The following NRF1 variants were observed in gnomAD, a reference collection of about 807,000 sequenced individuals.
The protein encoded by NRF1 is alpha palindromic-binding protein.
In NRF1, 5 loss-of-function variants were observed where a neutral mutation model predicts 58.5. The observed-to-expected ratio is 0.09, with a 90% CI of 0.04 to 0.18. The LOEUF (loss-of-function observed/expected upper bound fraction) is 0.18. Ranked by LOEUF, NRF1 falls within the 10% of genes least tolerant of loss-of-function variation. The pLI is 1.00. For synonymous variants in NRF1, 224 were observed against 246.7 expected (o/e 0.91, Z 0.86); for missense variants, 288 against 657.7 (o/e 0.44, Z 6.15).
intron 5 of NRF1, among the ~76,000 whole-genome samples, chr7:129,695,700 C>CAG (rs1802676900): frequency 6.7e-6 from 1 of 148,650 alleles, no homozygotes; most frequent in Non-Finnish European, 1.5e-5. Flanking sequence ...TCTGGGAACA[C>CAG]AGAATTGATC....
At chr7:129,677,814 A>G in intron 4 of NRF1, 56 bp downstream of exon 4, 11 of 1,602,276 alleles carry the variant, frequency 6.9e-6, no homozygotes, top group South Asian at 3.4e-5. Flanking sequence ...GGCTGCTTCC[A>G]TTCTTCTGAT....
rs574876934 is a variant in NRF1 at position 129,717,424 on chromosome 7, G to A, written c.1223+48G>A. On this transcript the variant is annotated intron_variant, in intron 9 of 10. Transcript: ENST00000393232. Reference sequence around the variant, plus strand: ...AAGTGAGGATCGCAAATCTGTCCCTGCAGATATGGGTGGAGGCCCCTTAAA... The same window carrying A: ...AAGTGAGGATCGCAAATCTGTCCCTACAGATATGGGTGGAGGCCCCTTAAA... 7 of 1,553,602 alleles carry A rather than the reference G, an allele frequency of 4.5e-6. No homozygotes were observed. In the East Asian group the frequency reaches 1.4e-4, roughly 30 times the overall value.
rs201671759 is a variant in NRF1 at position 129,671,416 on chromosome 7, G to A, written c.224-13G>A. 2.3e-5 allele frequency: 37 copies of A among 1,579,342 alleles called. No homozygotes were observed. The African/African-American group carries it at 3.0e-4, about 13-fold the overall frequency. Reference sequence around the variant, plus strand: ...GCAGCTGCCTAATCTCAGCACATACGTTATTATTTCAGGTCCTGTGGGAAT... The same window carrying A: ...GCAGCTGCCTAATCTCAGCACATACATTATTATTTCAGGTCCTGTGGGAAT... On this transcript the variant is annotated splice_polypyrimidine_tract_variant and intron_variant, in intron 2 of 10. Transcript: ENST00000393232.
chr7:129,719,484 A>G (rs938597800), intron 9 of NRF1, among the ~76,000 whole-genome samples: 2 of 147,588 alleles, frequency 1.4e-5, no homozygotes, highest in Non-Finnish European at 3.0e-5. Context: ...GTTGATTAGG[A>G]ATAGGAAACT....
intron 1 of NRF1, among the ~76,000 whole-genome samples, chr7:129,654,098 A>G (rs572107617): frequency 3.4e-4 from 52 of 152,324 alleles, no homozygotes; most frequent in African/African-American, 1.2e-3. Flanking sequence ...CAGCAGTGAA[A>G]TAGAGTTCCT....
At chr7:129,673,649 G>A (rs1045393804) in intron 3 of NRF1, among the ~76,000 whole-genome samples, 19 of 148,900 alleles carry the variant, frequency 1.3e-4, no homozygotes, top group South Asian at 4.2e-4. Context: ...CCCGGGAGGC[G>A]GAGCTTGCAG....
chr7:129,667,954 G>A (rs1359288188), intron 2 of NRF1, among the ~76,000 whole-genome samples: 1 of 151,702 alleles, frequency 6.6e-6, no homozygotes, highest in East Asian at 1.9e-4. Context: ...TTGTAGATAC[G>A]GAGTCTTGCT....
intron 10 of NRF1, among the ~76,000 whole-genome samples, chr7:129,753,809 G>A (rs1443338279): frequency 6.6e-6 from 1 of 151,938 alleles, no homozygotes; most frequent in South Asian, 2.1e-4. Flanking sequence ...AAGTGACCTA[G>A]GCTTTAAAAA....
At chr7:129,649,617 A>G (rs1211783082) in intron 1 of NRF1, among the ~76,000 whole-genome samples, 30 of 152,134 alleles carry the variant, frequency 2.0e-4, no homozygotes. Context: ...GCTCTGGGCC[A>G]AGACAATCTT....
At chr7:129,747,812 C>T (rs1294908762) in intron 10 of NRF1, among the ~76,000 whole-genome samples, 1 of 152,198 alleles carries the variant, frequency 6.6e-6, no homozygotes, top group Admixed American at 6.5e-5. Context: ...GAAAATTCGA[C>T]TTCATTCTGA....
intron 1 of NRF1, among the ~76,000 whole-genome samples, chr7:129,628,527 A>G (rs1389179209): frequency 6.6e-6 from 1 of 152,202 alleles, no homozygotes; most frequent in African/African-American, 2.4e-5. Context: ...AAAACAGAAC[A>G]CTTTAGTGAG....
At position 129,757,048 on chromosome 7, in the gene NRF1, C is replaced by T. The variant is rs1226767210; in HGVS notation, c.*1867C>T. 1.3e-5 allele frequency: 2 copies of T among 152,556 alleles called. No homozygotes were observed. The highest frequency in any genetic ancestry group is 2.9e-5 in the Non-Finnish European group (2 of 68,024). 9.5% of individuals were successfully genotyped at this position (152,556 alleles called of 1,614,324 possible). On this transcript the variant is annotated 3_prime_UTR_variant, in exon 11 of 11. Coordinates refer to ENST00000393232, the MANE Select transcript of NRF1 (RefSeq NM_005011.5). ...TTTCCCATTCTGTCTTTGACTGCCTCATTCAATAAATAGTTAAAAATGTGG... is the reference window on the plus strand; with the variant it reads ...TTTCCCATTCTGTCTTTGACTGCCTTATTCAATAAATAGTTAAAAATGTGG...
chr7:129,751,782 G>A (rs1256584961), intron 10 of NRF1, among the ~76,000 whole-genome samples: 4 of 152,256 alleles, frequency 2.6e-5, no homozygotes, highest in African/African-American at 4.8e-5. Flanking sequence ...CAGTATGTGG[G>A]TTCCCTGGAG....
At chr7:129,657,607 ATT>A (rs11446444) in intron 2 of NRF1, 33 bp downstream of exon 2, 10,076 of 982,492 alleles carry the variant, frequency 0.01, no homozygotes, top group South Asian at 0.015. Context: ...CTCTTCTTTA[ATT>A]TTTTTTTTTT....
At chr7:129,664,393 A>G (rs893947967) in intron 2 of NRF1, among the ~76,000 whole-genome samples, 3 of 152,170 alleles carry the variant, frequency 2.0e-5, no homozygotes, top group African/African-American at 7.2e-5. Flanking sequence ...AATGATGAGG[A>G]GTGGCCAAAA....
At chr7:129,699,911 G>A (rs113113448) in intron 5 of NRF1, among the ~76,000 whole-genome samples, 3 of 151,254 alleles carry the variant, frequency 2.0e-5, no homozygotes, top group African/African-American at 7.3e-5. Context: ...AGGCCAAGGC[G>A]GGCAGATCAC....
intron 5 of NRF1, among the ~76,000 whole-genome samples, chr7:129,697,264 C>G (rs890672462): frequency 6.6e-6 from 1 of 151,630 alleles, no homozygotes; most frequent in East Asian, 1.9e-4. Flanking sequence ...GCATAAATAG[C>G]CGGGCGCGGT....
At chr7:129,629,658 A>G (rs574624939) in intron 1 of NRF1, among the ~76,000 whole-genome samples, 1 of 152,216 alleles carries the variant, frequency 6.6e-6, no homozygotes, top group Non-Finnish European at 1.5e-5. Context: ...GAAGCGCTTT[A>G]TGCATACTTT....
At chr7:129,697,439 T>C (rs1802725267) in intron 5 of NRF1, among the ~76,000 whole-genome samples, 2 of 151,674 alleles carry the variant, frequency 1.3e-5, no homozygotes, top group Admixed American at 6.6e-5. Flanking sequence ...TCCCAGCTAC[T>C]TGGGAGGGCG....
Sources: gnomAD v4.1 joint callset for allele counts (sites outside exome capture counted in the v4.1 genomes callset) on GRCh38, gnomAD v4.1.1 for gene constraint, MANE v1.5 for transcripts, NCBI Gene and HGNC (gene_info 2026-07-23, HGNC 2026-07-21) for gene names.